COG3: variants seen among roughly 807,000 people sequenced by gnomAD.
COG3 encodes component of oligomeric golgi complex 3.
In COG3, 32 loss-of-function variants were observed where a neutral mutation model predicts 114.1. The ratio of observed to expected loss-of-function variants is 0.28; its 90% CI spans 0.21 to 0.38. COG3 has a LOEUF of 0.38. Ranked by LOEUF, COG3 falls within the 10% of genes least tolerant of loss-of-function variation. COG3 has a pLI of 1.00. For missense variants in COG3, 813 were observed against 973.2 expected, an observed-to-expected ratio of 0.84 and a Z score of 2.19; for synonymous variants, 352 against 365.7, an observed-to-expected ratio of 0.96 and a Z score of 0.43.
Position 45,535,793 on chromosome 13 carries a change from T to G in COG3, c.*1062T>G. 5 of 987,604 alleles carry G rather than the reference T, an allele frequency of 5.1e-6. No individual in the cohort carries two copies. Among genetic ancestry groups the G allele is most frequent in the Non-Finnish European group, 6.0e-6 (5 of 830,074 alleles). 61.2% of individuals were successfully genotyped at this position (987,604 alleles called of 1,614,324 possible). A position where few individuals can be genotyped will look rare whatever the true frequency, so the allele number is the denominator to read the frequency against. On this transcript the variant is annotated 3_prime_UTR_variant, in exon 23 of 23. Transcript: ENST00000349995. ...ACACCATATCAGGGATCATAAATTA[T>G]GCATATCTATGAATTTTCCAACAAA...
chr13:45,491,327 G>A, intron 9 of COG3, 85 bp from the exon 10 acceptor site: 1 of 1,422,196 alleles, frequency 7.0e-7, no homozygotes, highest in Non-Finnish European at 9.6e-7. Context: ...TTTAAAAGAG[G>A]TTTGGCAACC....
At chr13:45,513,766 G>A (rs1422504519) in intron 16 of COG3, among the ~76,000 whole-genome samples, 5 of 151,508 alleles carry the variant, frequency 3.3e-5, no homozygotes, top group Admixed American at 1.3e-4. Flanking sequence ...GTCTGTGCCC[G>A]CACATTTTTG....
intron 1 of COG3, chr13:45,465,561 A>G (rs191443405): frequency 9.0e-5 from 19 of 210,130 alleles, no homozygotes; most frequent in African/African-American, 4.2e-4. Flanking sequence ...CCTGCTGCCC[A>G]CTCTCTCCCA....
intron 7 of COG3, among the ~76,000 whole-genome samples, chr13:45,484,446 C>G (rs1475872903): frequency 6.6e-6 from 1 of 151,944 alleles, no homozygotes; most frequent in Non-Finnish European, 1.5e-5. Context: ...GATCTGTTTA[C>G]CACCAAAATT....
chr13:45,484,609 TTTA>T (rs1432050768), intron 7 of COG3, among the ~76,000 whole-genome samples: 37 of 147,444 alleles, frequency 2.5e-4, no homozygotes, highest in African/African-American at 8.8e-4. Context: ...TATTTATTTA[TTTA>T]TTTTTTTATT....
intron 13 of COG3, among the ~76,000 whole-genome samples, chr13:45,498,148 TTGTGTG>T (rs550642127): frequency 6.6e-6 from 1 of 151,174 alleles, no homozygotes; most frequent in African/African-American, 2.4e-5. Context: ...CTTTATCTCT[TTGTGTG>T]TGTGTGTGGC....
chr13:45,485,207 G>A (rs9670930), intron 7 of COG3, among the ~76,000 whole-genome samples: 1,286 of 128,842 alleles, frequency 1.0e-2, no homozygotes, highest in African/African-American at 0.04. Context: ...CCTCCCGGAC[G>A]GGGCGGCTGG....
chr13:45,484,626 A>G, intron 7 of COG3, among the ~76,000 whole-genome samples: 1 of 146,210 alleles, frequency 6.8e-6, no homozygotes, highest in East Asian at 2.0e-4. Context: ...TTTTATTGAT[A>G]ATTCTTGGGT....
Position 45,535,407 on chromosome 13 carries a change from C to CTGCA in COG3, c.*677_*680dup. 9 of 985,414 alleles carry CTGCA rather than the reference C, an allele frequency of 9.1e-6. No homozygotes were observed. The highest frequency in any genetic ancestry group is 1.1e-5 in the Non-Finnish European group (9 of 829,930). 61.0% of individuals were successfully genotyped at this position (985,414 alleles called of 1,614,324 possible). A position where few individuals can be genotyped will look rare whatever the true frequency, so the allele number is the denominator to read the frequency against. On this transcript the variant is annotated 3_prime_UTR_variant, in exon 23 of 23. Transcript: ENST00000349995. ...GTGCAGACAGTTCTAAAGCAAGGAG[C>CTGCA]TGCAGCATTCTCATCATAGATACGT...
intron 13 of COG3, among the ~76,000 whole-genome samples, chr13:45,497,868 C>G (rs946716723): frequency 9.9e-5 from 15 of 152,050 alleles, no homozygotes; most frequent in African/African-American, 3.4e-4. Context: ...CTTTACACTC[C>G]TGAAGTTTAA....
At chr13:45,490,002 G>A (rs1886925834) in intron 8 of COG3, among the ~76,000 whole-genome samples, 1 of 152,020 alleles carries the variant, frequency 6.6e-6, no homozygotes, top group Admixed American at 6.5e-5. Context: ...TTTCTACACG[G>A]TATTGGGAAG....
chr13:45,526,076 ATTTTTTTTTTTTTTTT>A lies in COG3; in HGVS notation c.2230+1040_2230+1055del, dbSNP rs386379016. ...GCTATTCAAAGCCTCCAAAATTTTA[ATTTTTTTTTTTTTTTT>A]TTTTTTTTTTTTTTGAGATGGAGTC... On this transcript the variant is annotated intron_variant, in intron 20 of 22. Transcript: ENST00000349995. Among the ~76,000 whole-genome samples the A allele has an allele frequency of 2.1e-4, 12 of 56,582 alleles. No individual in the cohort carries two copies. The Admixed American group carries it at 2.3e-3, about 11-fold the overall frequency. 37.1% of individuals were successfully genotyped at this position (56,582 alleles called of 152,430 possible).
chr13:45,531,898 T>C (rs1056538957), intron 22 of COG3: 1 of 152,246 alleles, frequency 6.6e-6, no homozygotes, highest in African/African-American at 2.4e-5. Flanking sequence ...GAGATGTTCA[T>C]ATACTATAGA....
At chr13:45,527,278 T>A (rs1872780232) in intron 20 of COG3, among the ~76,000 whole-genome samples, 1 of 152,070 alleles carries the variant, frequency 6.6e-6, no homozygotes, top group South Asian at 2.1e-4. Flanking sequence ...CTGGCAGGAG[T>A]AGACAAAAGG....
Position 45,516,271 on chromosome 13 carries a change from G to A in COG3, c.1930+8G>A. On this transcript the variant is annotated splice_region_variant and intron_variant, in intron 17 of 22. Transcript: ENST00000349995. ...ACCTCAAGAAAACTAGAGGTACTTT[G>A]CTGTCCTGGCTGGCACACTTGGGTG... 1.3e-6 allele frequency: 2 copies of A among 1,570,688 alleles called. No homozygotes were observed. Among genetic ancestry groups the A allele is most frequent in the South Asian group, 1.2e-5 (1 of 82,792 alleles).
intron 13 of COG3, among the ~76,000 whole-genome samples, chr13:45,499,758 G>A (rs1183841683): frequency 6.6e-6 from 1 of 152,130 alleles, no homozygotes; most frequent in African/African-American, 2.4e-5. Context: ...ACGGTGGCTT[G>A]CGCCTGTAAT....
intron 20 of COG3, among the ~76,000 whole-genome samples, chr13:45,525,693 T>A (rs529690733): frequency 4.1e-5 from 6 of 145,356 alleles, no homozygotes; most frequent in African/African-American, 1.5e-4. Context: ...ACTAACTTTG[T>A]GAGTTATTTT....
intron 1 of COG3, among the ~76,000 whole-genome samples, chr13:45,471,727 G>T (rs1181988420): frequency 3.4e-5 from 5 of 147,950 alleles, no homozygotes; most frequent in Non-Finnish European, 3.0e-5. Context: ...CTCAGCTTTT[G>T]TTTTTTTTTT....
chr13:45,489,839 T>C (rs1419709625), intron 8 of COG3, among the ~76,000 whole-genome samples: 1 of 150,574 alleles, frequency 6.6e-6, no homozygotes, highest in African/African-American at 2.4e-5. Context: ...TTTTTTTGCA[T>C]GATTCTAAAC....
Sources: allele counts gnomAD v4.1 joint callset (sites outside exome capture counted in the v4.1 genomes callset), GRCh38; gene constraint gnomAD v4.1.1; transcripts MANE v1.5; gene names NCBI Gene and HGNC (gene_info 2026-07-23, HGNC 2026-07-21).